Variants in CLMP observed in about 807,000 individuals in gnomAD.
CLMP encodes CXADR-like membrane protein.
CLMP carries 27 observed loss-of-function variants against 45.2 expected under a neutral mutation model. The observed-to-expected ratio is 0.60, with a 90% confidence interval of 0.44 to 0.82. CLMP has a LOEUF of 0.82. CLMP is among the 40% of genes least tolerant of loss of function. The pLI, the probability that CLMP is intolerant of heterozygous loss-of-function variation, is 0.00. For synonymous variants in CLMP, 167 were observed against 171.4 expected (o/e 0.97, Z 0.20); for missense variants, 403 against 448.4 (o/e 0.90, Z 0.91).
rs1280071189 is a variant in CLMP, at chr11:123,073,774, T to C, written c.822A>G (p.Arg274=). 1 of 1,569,790 alleles carries C rather than the reference T, an allele frequency of 6.4e-7. No individual in the cohort carries two copies. The highest frequency in any genetic ancestry group is 8.6e-7 in the Non-Finnish European group (1 of 1,160,158). ...YEEEERPNEI[R]EDAEAPKARL... is the part of the protein sequence containing the mutation. ...GGGCTTTTGGAGCTTCAGCATCTTCTCTGAAGAGAAAAAACAGCAAAGATT... is the reference window on the plus strand; with the variant it reads ...GGGCTTTTGGAGCTTCAGCATCTTCCCTGAAGAGAAAAAACAGCAAAGATT... The change falls in exon 7 of 7, where the codon CGA becomes CGG. Residue 274 remains arginine, a splice_region_variant and synonymous_variant. Coordinates refer to ENST00000448775, the MANE Select transcript of CLMP (RefSeq NM_024769.5).
In CLMP at chr11:123,134,942, A is replaced by T. The variant is rs997217929; in HGVS notation, c.29-36990T>A. ...ATAAACAAATTAACTGGTTTTGAAA[A>T]TTTTTTTCCTTATTTACTTCAAGAA... On this transcript the variant is annotated intron_variant, in intron 1 of 6. Transcript: ENST00000448775. Among the ~76,000 whole-genome samples the T allele has an allele frequency of 2.2e-4, 34 of 151,876 alleles. 2 individuals are homozygous for T. Among genetic ancestry groups the T allele is most frequent in the Non-Finnish European group, 2.1e-4 (14 of 68,004 alleles).
chr11:123,081,486 A>G (rs1423299964), intron 5 of CLMP, among the ~76,000 whole-genome samples: 1 of 152,210 alleles, frequency 6.6e-6, no homozygotes, highest in East Asian at 1.9e-4. Flanking sequence ...AGAAATAATA[A>G]TAATAGCTAA....
chr11:123,157,668 G>A (rs1565399615), intron 1 of CLMP, among the ~76,000 whole-genome samples: 1 of 150,144 alleles, frequency 6.7e-6, no homozygotes, highest in Non-Finnish European at 1.5e-5. Flanking sequence ...GGCAGAGGTG[G>A]CAGTGAGCCA....
chr11:123,083,173 A>G lies in CLMP; in HGVS notation c.591T>C (p.Asn197=). 1 of 1,614,154 alleles carries G rather than the reference A, an allele frequency of 6.2e-7. No individual in the cohort carries two copies. The highest frequency in any genetic ancestry group is 8.5e-7 in the Non-Finnish European group (1 of 1,180,006). ...ACAGTCCAGAGTAGGACATGGTAAGATTCTGCAGCAGAACTCGTCCAGGGT... is the reference window on the plus strand; with the variant it reads ...ACAGTCCAGAGTAGGACATGGTAAGGTTCTGCAGCAGAACTCGTCCAGGGT... ...YNHPGRVLLQ[N]LTMSYSGLYQ... The change falls in exon 5 of 7, where the codon AAT becomes AAC. Residue 197 remains asparagine, a synonymous_variant. Coordinates refer to ENST00000448775, the MANE Select transcript of CLMP (RefSeq NM_024769.5).
intron 1 of CLMP, among the ~76,000 whole-genome samples, chr11:123,142,023 C>G (rs1428578012): frequency 7.0e-6 from 1 of 143,098 alleles, no homozygotes. Flanking sequence ...CTCACTTTGT[C>G]CCCCAGGCTG....
At chr11:123,131,090 C>T (rs12280271) in intron 1 of CLMP, among the ~76,000 whole-genome samples, 2 of 151,844 alleles carry the variant, frequency 1.3e-5, no homozygotes, top group Non-Finnish European at 1.5e-5. Flanking sequence ...TGATCCACCC[C>T]CCTTGGGCTC....
intron 1 of CLMP, among the ~76,000 whole-genome samples, chr11:123,193,857 G>C (rs1225609975): frequency 6.6e-6 from 1 of 152,136 alleles, no homozygotes; most frequent in Admixed American, 6.5e-5. Context: ...CACCCAGCTA[G>C]TCAGTTCAAA....
chr11:123,186,056 G>A (rs1418889439), intron 1 of CLMP, among the ~76,000 whole-genome samples: 4 of 152,136 alleles, frequency 2.6e-5, no homozygotes, highest in Non-Finnish European at 5.9e-5. Flanking sequence ...GCCTCGTCAT[G>A]CCTACTTCCC....
At chr11:123,184,700 A>T (rs1246785099) in intron 1 of CLMP, among the ~76,000 whole-genome samples, 1 of 152,264 alleles carries the variant, frequency 6.6e-6, no homozygotes, top group Non-Finnish European at 1.5e-5. Context: ...ATAAGGCTAA[A>T]GTTCAAACTA....
intron 1 of CLMP, among the ~76,000 whole-genome samples, chr11:123,184,806 A>G (rs1861812090): frequency 6.6e-6 from 1 of 152,174 alleles, no homozygotes; most frequent in Non-Finnish European, 1.5e-5. Context: ...GCATTCATAC[A>G]TTTGTTTGTT....
At chr11:123,103,832 C>CT (rs372976967) in intron 1 of CLMP, among the ~76,000 whole-genome samples, 8,661 of 137,276 alleles carry the variant, frequency 0.063, 491 homozygotes, top group East Asian at 0.17. Context: ...GGTTCTGTCT[C>CT]TTTTTTTTTT....
intron 5 of CLMP, among the ~76,000 whole-genome samples, chr11:123,078,505 G>A (rs1865764878): frequency 6.6e-6 from 1 of 152,104 alleles, no homozygotes; most frequent in Non-Finnish European, 1.5e-5. Flanking sequence ...GGAGTGCAGT[G>A]GCACAATCTC....
intron 1 of CLMP, among the ~76,000 whole-genome samples, chr11:123,168,162 C>T (rs1030987487): frequency 4.6e-5 from 7 of 152,154 alleles, no homozygotes; most frequent in African/African-American, 1.7e-4. Flanking sequence ...TCCTTTTCCA[C>T]GTTTATTCAC....
chr11:123,168,434 G>A (rs947378783), intron 1 of CLMP, among the ~76,000 whole-genome samples: 12 of 152,270 alleles, frequency 7.9e-5, no homozygotes, highest in African/African-American at 2.9e-4. Context: ...CTTCCTTCCA[G>A]ATTTGGAAAT....
intron 1 of CLMP, among the ~76,000 whole-genome samples, chr11:123,142,906 G>C (rs544701557): frequency 6.6e-6 from 1 of 152,114 alleles, no homozygotes; most frequent in African/African-American, 2.4e-5. Flanking sequence ...GACTACAGGC[G>C]TGAGCCACCG....
intron 1 of CLMP, among the ~76,000 whole-genome samples, chr11:123,179,657 A>C (rs1861743703): frequency 6.6e-6 from 1 of 152,212 alleles, no homozygotes; most frequent in South Asian, 2.1e-4. Context: ...ACCAAGTACC[A>C]GTGATCCGCA....
intron 1 of CLMP, among the ~76,000 whole-genome samples, chr11:123,193,293 C>G (rs1861932989): frequency 6.6e-6 from 1 of 152,240 alleles, no homozygotes; most frequent in Non-Finnish European, 1.5e-5. Flanking sequence ...GATGGCTGGG[C>G]AGCCAATAGG....
Position 123,083,179 on chromosome 11 carries a change from C to T in CLMP, c.585G>A (p.Leu195=). Residue 195 remains leucine (L), a synonymous_variant, in exon 5 of 7, where the codon CTG becomes CTA. Coordinates refer to ENST00000448775, the MANE Select transcript of CLMP (RefSeq NM_024769.5). ...CAGAGTAGGACATGGTAAGATTCTG[C>T]AGCAGAACTCGTCCAGGGTGGTTGT... ...IDYNHPGRVL[L]QNLTMSYSGL... The T allele has an allele frequency of 6.2e-7, 1 of 1,614,094 alleles. No individual in the cohort carries two copies. Among genetic ancestry groups the T allele is most frequent in the Non-Finnish European group, 8.5e-7 (1 of 1,179,974 alleles).
At chr11:123,136,966 T>A (rs983861451) in intron 1 of CLMP, among the ~76,000 whole-genome samples, 2 of 151,964 alleles carry the variant, frequency 1.3e-5, no homozygotes, top group African/African-American at 4.8e-5. Context: ...TGTGACAGGC[T>A]GCCAACATAG....
Sources: allele counts gnomAD v4.1 joint callset (sites outside exome capture counted in the v4.1 genomes callset), GRCh38; gene constraint gnomAD v4.1.1; transcripts MANE v1.5; gene names NCBI Gene and HGNC (gene_info 2026-07-23, HGNC 2026-07-21).